The following CDH23 variants were observed in gnomAD, a reference collection of about 807,000 sequenced individuals.
CDH23 encodes cadherin related 23, also known as cadherin-23.
In CDH23, 189 loss-of-function variants were observed where a neutral mutation model predicts 317.1. The observed-to-expected ratio is 0.60, with a 90% CI of 0.53 to 0.67. The LOEUF (loss-of-function observed/expected upper bound fraction) is 0.67, where lower values mean the gene tolerates loss of function less well. CDH23 is among the 30% of genes least tolerant of loss of function. The probability of loss-of-function intolerance (pLI) is 0.00; values close to 1 mark genes in which losing one functional copy is unlikely to be tolerated. For missense variants in CDH23, 4,401 were observed against 4,592.4 expected, an observed-to-expected ratio of 0.96 and a Z score of 1.20; for synonymous variants, 1,839 against 1,876.8, an observed-to-expected ratio of 0.98 and a Z score of 0.52.
intron 1 of CDH23, among the ~76,000 whole-genome samples, chr10:71,436,720 C>T (rs1269894126): frequency 5.9e-5 from 9 of 152,188 alleles, no homozygotes; most frequent in Non-Finnish European, 1.2e-4. Context: ...TTCCTTCCAC[C>T]GCAAACTTCC....
intron 14 of CDH23, chr10:71,647,098 C>G (rs1862931826): frequency 1.0e-6 from 1 of 984,854 alleles, no homozygotes; most frequent in African/African-American, 1.7e-5. Flanking sequence ...TGTCAGTACT[C>G]TTGGTTGCAA....
intron 6 of CDH23, among the ~76,000 whole-genome samples, chr10:71,524,667 G>A (rs1003903810): frequency 6.6e-6 from 1 of 152,188 alleles, no homozygotes; most frequent in Non-Finnish European, 1.5e-5. Context: ...CTCTCTGTGA[G>A]GCCTCTGTAA....
At chr10:71,641,048 C>T (rs1862522770) in intron 11 of CDH23, among the ~76,000 whole-genome samples, 2 of 152,136 alleles carry the variant, frequency 1.3e-5, no homozygotes, top group South Asian at 4.1e-4. Flanking sequence ...TAGGCAGCAC[C>T]CTATGTAAAG....
intron 41 of CDH23, among the ~76,000 whole-genome samples, chr10:71,783,581 G>A (rs555203042): frequency 2.6e-5 from 4 of 152,354 alleles, no homozygotes; most frequent in Admixed American, 1.3e-4. Context: ...GCTCTGGACT[G>A]TCAGACATCG....
chr10:71,608,167 C>T (rs1406146873), intron 9 of CDH23, among the ~76,000 whole-genome samples: 1 of 152,178 alleles, frequency 6.6e-6, no homozygotes, highest in African/African-American at 2.4e-5. Context: ...TCACATCCTG[C>T]GAGTTCATGC....
intron 11 of CDH23, among the ~76,000 whole-genome samples, chr10:71,619,461 C>T (rs966604528): frequency 6.6e-6 from 1 of 152,234 alleles, no homozygotes; most frequent in African/African-American, 2.4e-5. Context: ...GGGCAGGCAC[C>T]TCCTTTTGGA....
chr10:71,702,227 G>T lies in CDH23; in HGVS notation c.2587+16G>T. The T allele has an allele frequency of 6.2e-7, 1 of 1,608,288 alleles. No homozygotes were observed. ...GTTACTGACTGTATGGACCCCTCTC[G>T]CCCCTCACGGCCCCCACACCTTAGG... On this transcript the variant is annotated intron_variant, in intron 23 of 69. Coordinates refer to ENST00000224721, the MANE Select transcript of CDH23 (RefSeq NM_022124.6).
chr10:71,525,242 G>T (rs938155028), intron 6 of CDH23, among the ~76,000 whole-genome samples: 1 of 152,244 alleles, frequency 6.6e-6, no homozygotes, highest in African/African-American at 2.4e-5. Flanking sequence ...GCCCATGTTG[G>T]ACTTCTGACC....
At chr10:71,605,833 A>T (rs1860497392) in intron 9 of CDH23, among the ~76,000 whole-genome samples, 1 of 152,232 alleles carries the variant, frequency 6.6e-6, no homozygotes, top group Non-Finnish European at 1.5e-5. Flanking sequence ...CATCCTGGTG[A>T]CTGCATTTAT....
intron 3 of CDH23, among the ~76,000 whole-genome samples, chr10:71,474,589 C>T (rs1851691975): frequency 6.6e-6 from 1 of 152,246 alleles, no homozygotes; most frequent in Admixed American, 6.5e-5. Context: ...TCAGTTTCCT[C>T]TCTGGTAAAA....
chr10:71,687,437 C>G (rs1864952781), intron 18 of CDH23, among the ~76,000 whole-genome samples: 1 of 152,136 alleles, frequency 6.6e-6, no homozygotes, highest in Non-Finnish European at 1.5e-5. Flanking sequence ...TGCATGTTTC[C>G]CCAAGGCTGG....
At chr10:71,450,623 C>T (rs142390645) in intron 3 of CDH23, among the ~76,000 whole-genome samples, 6 of 152,294 alleles carry the variant, frequency 3.9e-5, no homozygotes, top group East Asian at 1.9e-4. Flanking sequence ...CACCAACCAC[C>T]TCTGTGTTGC....
intron 13 of CDH23, 125 bp from the exon 14 acceptor site, chr10:71,646,334 T>A (rs1862856840): frequency 7.0e-7 from 1 of 1,431,832 alleles, no homozygotes; most frequent in Admixed American, 2.0e-5. Context: ...AGAGCTGGGA[T>A]GGGCAGAGAC....
At chr10:71,544,721 C>T (rs1307412450) in intron 6 of CDH23, among the ~76,000 whole-genome samples, 1 of 152,234 alleles carries the variant, frequency 6.6e-6, no homozygotes, top group Non-Finnish European at 1.5e-5. Context: ...ATGCCACAGA[C>T]AAGACCCACG....
chr10:71,450,442 G>A (rs528325160), intron 3 of CDH23, among the ~76,000 whole-genome samples: 28 of 151,724 alleles, frequency 1.8e-4, no homozygotes, highest in Non-Finnish European at 3.1e-4. Context: ...ATTTTTTTAT[G>A]TTTTTAGTAG....
intron 38 of CDH23, among the ~76,000 whole-genome samples, chr10:71,769,402 G>T (rs1402285290): frequency 6.6e-6 from 1 of 152,176 alleles, no homozygotes; most frequent in Non-Finnish European, 1.5e-5. Flanking sequence ...TATGACAAGT[G>T]ATACTGGCTT....
intron 14 of CDH23, among the ~76,000 whole-genome samples, chr10:71,662,980 GTC>G (rs1863741557): frequency 6.6e-6 from 1 of 152,320 alleles, no homozygotes; most frequent in African/African-American, 2.4e-5. Context: ...CAGAACTCCA[GTC>G]TCTGCATGCG....
At chr10:71,812,722 G>A in intron 67 of CDH23, 46 bp from the exon 68 acceptor site, 1 of 1,612,758 alleles carries the variant, frequency 6.2e-7, no homozygotes, top group Non-Finnish European at 8.5e-7. Flanking sequence ...CCTTGTACAT[G>A]TGTGTGGGGT....
At position 71,800,652 on chromosome 10, in the gene CDH23, T is replaced by C; in HGVS notation, c.7379T>C (p.Leu2460Pro). ...CCCTACTAGGGTGACATCTATGTGC[T>C]GTCTTCTCTGGACCGGGAGAAGAAG... ...INPTTGDIYVLSSLDREKKDH... is the reference protein window; with the variant it reads ...INPTTGDIYVPSSLDREKKDH... Residue 2460 changes from leucine (L) to proline (P), a missense_variant, in exon 53 of 70, where the codon CTG becomes CCG. By Grantham distance (98) the Leu-to-Pro change is moderately conservative. Coordinates refer to ENST00000224721, the MANE Select transcript of CDH23 (RefSeq NM_022124.6). The C allele has an allele frequency of 6.2e-7, 1 of 1,614,024 alleles. No individual in the cohort carries two copies. Among genetic ancestry groups the C allele is most frequent in the Non-Finnish European group, 8.5e-7 (1 of 1,179,888 alleles).
Sources: gnomAD v4.1 joint callset for allele counts (sites outside exome capture counted in the v4.1 genomes callset) on GRCh38, gnomAD v4.1.1 for gene constraint, MANE v1.5 for transcripts, NCBI Gene and HGNC (gene_info 2026-07-23, HGNC 2026-07-21) for gene names.